Variants in CPEB3 observed in about 807,000 individuals in gnomAD.
CPEB3 encodes cytoplasmic polyadenylation element-binding protein 3.
Under a neutral mutation model 67.2 loss-of-function variants are expected in CPEB3, and 20 were observed. The ratio of observed to expected loss-of-function variants is 0.30; its 90% confidence interval spans 0.21 to 0.43. The LOEUF is 0.43. Ranked by LOEUF, CPEB3 falls within the 20% of genes least tolerant of loss-of-function variation. The pLI is 1.00. For synonymous variants in CPEB3, 376 were observed against 393.1 expected, an observed-to-expected ratio of 0.96 and a Z score of 0.51; for missense variants, 746 against 968.6, an observed-to-expected ratio of 0.77 and a Z score of 3.05.
intron 1 of CPEB3, among the ~76,000 whole-genome samples, chr10:92,248,449 T>C (rs565623991): frequency 2.6e-5 from 4 of 152,328 alleles, no homozygotes; most frequent in Middle Eastern, 6.8e-3. Context: ...TTGAGCTTCC[T>C]TCCTTCTTTT....
chr10:92,132,569 A>G (rs1845893348), intron 6 of CPEB3, among the ~76,000 whole-genome samples: 1 of 152,166 alleles, frequency 6.6e-6, no homozygotes, highest in Admixed American at 6.5e-5. Context: ...CTACAAAAAA[A>G]CATTAAAGAG....
At chr10:92,269,987 C>T (rs1853232748) in intron 1 of CPEB3, among the ~76,000 whole-genome samples, 1 of 142,854 alleles carries the variant, frequency 7.0e-6, no homozygotes, top group Admixed American at 7.2e-5. Context: ...CCTTCATCTT[C>T]TCAAACTTAA....
At chr10:92,169,267 T>G (rs571370377) in intron 4 of CPEB3, among the ~76,000 whole-genome samples, 3 of 150,264 alleles carry the variant, frequency 2.0e-5, no homozygotes, top group Admixed American at 2.0e-4. Context: ...GCCTCCCAAG[T>G]AGCTGGGATT....
intron 2 of CPEB3, among the ~76,000 whole-genome samples, chr10:92,210,435 A>G (rs1850021919): frequency 6.6e-6 from 1 of 152,266 alleles, no homozygotes; most frequent in Non-Finnish European, 1.5e-5. Context: ...GGAAAGTGGC[A>G]AATATATTCC....
chr10:92,097,598 TATAAATATAATA>T (rs1432348574), intron 7 of CPEB3, among the ~76,000 whole-genome samples: 1 of 152,194 alleles, frequency 6.6e-6, no homozygotes, highest in Non-Finnish European at 1.5e-5. Context: ...TGCTGAGTGG[TATAAATATAATA>T]ATTTATACCA....
chr10:92,203,231 G>A (rs1315941735), intron 2 of CPEB3, among the ~76,000 whole-genome samples: 1 of 150,916 alleles, frequency 6.6e-6, no homozygotes, highest in African/African-American at 2.4e-5. Context: ...GTGAGCCACC[G>A]CGCCCAGCCT....
chr10:92,191,331 G>A (rs542084837), intron 3 of CPEB3, among the ~76,000 whole-genome samples: 10 of 151,612 alleles, frequency 6.6e-5, no homozygotes, highest in African/African-American at 2.4e-4. Context: ...GAACCTAGGA[G>A]GAGGAAGTTT....
At chr10:92,174,709 C>T (rs544368810) in intron 4 of CPEB3, among the ~76,000 whole-genome samples, 1 of 152,188 alleles carries the variant, frequency 6.6e-6, no homozygotes, top group African/African-American at 2.4e-5. Flanking sequence ...ATCATCTTTC[C>T]TTGTCAGAAG....
chr10:92,120,500 C>A (rs1845307594), intron 6 of CPEB3, among the ~76,000 whole-genome samples: 1 of 151,944 alleles, frequency 6.6e-6, no homozygotes, highest in African/African-American at 2.4e-5. Flanking sequence ...AGGAGAATGG[C>A]CAGAACCCAG....
In CPEB3 at chr10:92,249,747, C is replaced by T. The variant is rs559783287; in HGVS notation, c.-11-9386G>A. Among the ~76,000 whole-genome samples, 28 of 151,594 alleles carry T rather than the reference C, an allele frequency of 1.8e-4. No individual in the cohort carries two copies. The South Asian group carries it at 3.8e-3, about 20-fold the overall frequency. On this transcript the variant is annotated intron_variant, in intron 1 of 9. Coordinates refer to ENST00000265997, the MANE Select transcript of CPEB3 (RefSeq NM_014912.5). The stretch of plus-strand genomic sequence containing the variant: ...ATAAAAAATATTTTTGGGCCAGGAG[C>T]GGTGGCTCATGCCTGTATTCCCAGC...
chr10:92,121,392 T>C (rs552494816), intron 6 of CPEB3, among the ~76,000 whole-genome samples: 1 of 135,224 alleles, frequency 7.4e-6, no homozygotes, highest in African/African-American at 2.8e-5. Flanking sequence ...ATATTATATA[T>C]ATATAATAGA....
At chr10:92,243,984 A>G (rs1851953824) in intron 1 of CPEB3, among the ~76,000 whole-genome samples, 1 of 152,224 alleles carries the variant, frequency 6.6e-6, no homozygotes, top group Admixed American at 6.5e-5. Flanking sequence ...TGCATTATTC[A>G]TACAAAGGAT....
intron 3 of CPEB3, among the ~76,000 whole-genome samples, chr10:92,190,942 AAAGTC>A (rs982949486): frequency 6.6e-6 from 1 of 152,198 alleles, no homozygotes; most frequent in African/African-American, 2.4e-5. Context: ...CTAAGAGTCT[AAAGTC>A]AAGGCCTAGC....
intron 4 of CPEB3, among the ~76,000 whole-genome samples, chr10:92,167,485 T>C (rs1847799233): frequency 6.6e-6 from 1 of 152,160 alleles, no homozygotes; most frequent in Non-Finnish European, 1.5e-5. Context: ...TCTCAGAAAA[T>C]GGGAAGGCCC....
intron 7 of CPEB3, among the ~76,000 whole-genome samples, chr10:92,102,523 G>C (rs1167913640): frequency 1.3e-5 from 2 of 152,176 alleles, no homozygotes; most frequent in Non-Finnish European, 2.9e-5. Flanking sequence ...CCTATTATCT[G>C]ATGCAAGGAA....
intron 1 of CPEB3, among the ~76,000 whole-genome samples, chr10:92,289,929 G>T (rs984710450): frequency 3.7e-5 from 4 of 106,802 alleles, no homozygotes; most frequent in African/African-American, 1.4e-4. Context: ...TGTGTGTGGT[G>T]GGGGGGGGTG....
At chr10:92,101,675 G>A (rs944818154) in intron 7 of CPEB3, among the ~76,000 whole-genome samples, 2 of 152,186 alleles carry the variant, frequency 1.3e-5, no homozygotes, top group African/African-American at 4.8e-5. Context: ...GGGAGGCCAA[G>A]GCAGGCAGAT....
intron 2 of CPEB3, among the ~76,000 whole-genome samples, chr10:92,220,844 T>G (rs1850666064): frequency 6.6e-6 from 1 of 152,208 alleles, no homozygotes; most frequent in Admixed American, 6.5e-5. Flanking sequence ...AGTAGATAAT[T>G]GGTTACAAAG....
chr10:92,216,829 A>T (rs531409591), intron 2 of CPEB3: 1 of 1,599,066 alleles, frequency 6.3e-7, no homozygotes, highest in South Asian at 1.1e-5. Flanking sequence ...TGCCGCTGGA[A>T]GCTACTGGGC....
Sources: allele counts gnomAD v4.1 joint callset (sites outside exome capture counted in the v4.1 genomes callset), GRCh38; gene constraint gnomAD v4.1.1; transcripts MANE v1.5; gene names NCBI Gene and HGNC (gene_info 2026-07-23, HGNC 2026-07-21).